ABHD2: variants seen among roughly 807,000 people sequenced by gnomAD.
The protein encoded by ABHD2 is abhydrolase domain containing 2, acylglycerol lipase, also known as monoacylglycerol lipase ABHD2.
In ABHD2, 20 loss-of-function variants were observed where a neutral mutation model predicts 48.1. The ratio of observed to expected loss-of-function variants is 0.42; its 90% CI spans 0.29 to 0.60. ABHD2 has a LOEUF of 0.60. Among genes scored for constraint, ABHD2 ranks in the 20% least tolerant of loss-of-function variants. The probability of loss-of-function intolerance (pLI) is 0.24; values close to 1 mark genes in which losing one functional copy is unlikely to be tolerated. For missense variants in ABHD2, 405 were observed against 550.9 expected (o/e 0.74, Z 2.65); for synonymous variants, 209 against 214.2 (o/e 0.98, Z 0.21).
At chr15:89,071,935 C>T in the ABHD2 span, among the ~76,000 whole-genome samples, 2 of 152,180 alleles carry the variant, frequency 1.3e-5, no homozygotes, top group Non-Finnish European at 2.9e-5. Context: ...TGTAGGGTGA[C>T]CAACCTCAGT....
chr15:89,047,366 A>G, the ABHD2 span, among the ~76,000 whole-genome samples: 2 of 151,768 alleles, frequency 1.3e-5, no homozygotes, highest in Non-Finnish European at 2.9e-5. Flanking sequence ...AAAAAAATGT[A>G]TATTCTGTTG....
rs1013614863 is a variant in ABHD2 at position 89,097,596 on chromosome 15, G to C, written c.-107+9033G>C. Among the ~76,000 whole-genome samples, 1 of 152,116 alleles carries C rather than the reference G, an allele frequency of 6.6e-6. No homozygotes were observed. The highest frequency in any genetic ancestry group is 2.4e-5 in the African/African-American group (1 of 41,428). Reference sequence around the variant, plus strand: ...CTTCTTTTCCCTGTAATTTGTTGGAGAAACTGGGTAGTCTGTCCAGTAGAG... The same window carrying C: ...CTTCTTTTCCCTGTAATTTGTTGGACAAACTGGGTAGTCTGTCCAGTAGAG... On this transcript the variant is annotated intron_variant, in intron 1 of 10. Coordinates refer to ENST00000352732, the MANE Select transcript of ABHD2 (RefSeq NM_152924.5). This position sits in a 1 kb window ranked among gnomAD's most constrained non-coding sequence, Gnocchi z 4.2.
intron 1 of ABHD2, among the ~76,000 whole-genome samples, chr15:89,096,463 G>T (rs2150777423): frequency 6.6e-6 from 1 of 152,298 alleles, no homozygotes; most frequent in Non-Finnish European, 1.5e-5. Flanking sequence ...CATCTGGCAG[G>T]ACTAGTTTTT....
the ABHD2 span, chr15:89,075,315 T>A: frequency 1.3e-5 from 2 of 152,204 alleles, no homozygotes; most frequent in Admixed American, 1.3e-4. The surrounding 1 kb of genome is among the most constrained non-coding windows in gnomAD (Gnocchi z 4.1). Flanking sequence ...ATTGAATGGA[T>A]GAATGAACTC....
rs1445819367 is a variant in ABHD2 at position 89,127,889 on chromosome 15, G to C, written c.194+11368G>C. Among the ~76,000 whole-genome samples the C allele has an allele frequency of 3.3e-5, 5 of 151,710 alleles. No individual in the cohort carries two copies. The South Asian group carries it at 6.3e-4, about 19-fold the overall frequency. ...CTTCTCTGTCTGTCAGAATCCTCAG[G>C]CCTTCTCAAATCGTAGCTCTTCTAG... is the stretch of plus-strand genomic sequence containing the variant. On this transcript the variant is annotated intron_variant, in intron 3 of 10. Transcript: ENST00000352732.
intron 1 of ABHD2, among the ~76,000 whole-genome samples, chr15:89,108,867 T>C (rs1395393039): frequency 6.6e-6 from 1 of 152,246 alleles, no homozygotes; most frequent in Non-Finnish European, 1.5e-5. Flanking sequence ...AGTACAGCGA[T>C]AGTTTTTTCC....
intron 6 of ABHD2, among the ~76,000 whole-genome samples, chr15:89,180,955 C>T (rs571740847): frequency 2.0e-4 from 30 of 152,166 alleles, no homozygotes; most frequent in Admixed American, 9.8e-4. Context: ...GGGCCGGGTG[C>T]GGTGGCTCAC....
At chr15:89,060,683 T>C in the ABHD2 span, among the ~76,000 whole-genome samples, 2 of 152,118 alleles carry the variant, frequency 1.3e-5, no homozygotes, top group South Asian at 4.1e-4. Flanking sequence ...TGTTTGAAGC[T>C]TTTTCCTCCA....
At chr15:89,111,243 A>G (rs1228900900) in intron 1 of ABHD2, among the ~76,000 whole-genome samples, 2 of 152,222 alleles carry the variant, frequency 1.3e-5, no homozygotes, top group African/African-American at 4.8e-5. Flanking sequence ...GTTTGTAGTC[A>G]TTATGAATTT....
chr15:89,179,996 T>C lies in ABHD2; in HGVS notation c.722+4001T>C, dbSNP rs756458363. Reference sequence around the variant, plus strand: ...GCAAACTTCAGGCTAGAGATGAGTTTATGGCAAAAGCAAATATTATTCATA... The same window carrying C: ...GCAAACTTCAGGCTAGAGATGAGTTCATGGCAAAAGCAAATATTATTCATA... On this transcript the variant is annotated intron_variant, in intron 6 of 10. Transcript: ENST00000352732. This position sits in a 1 kb window ranked among gnomAD's most constrained non-coding sequence, Gnocchi z 4.3. Among the ~76,000 whole-genome samples, 8 of 152,250 alleles carry C rather than the reference T, an allele frequency of 5.3e-5. No homozygotes were observed. Among genetic ancestry groups the C allele is most frequent in the Non-Finnish European group, 7.3e-5 (5 of 68,048 alleles).
At position 89,175,703 on chromosome 15, in the gene ABHD2, TTCTC is replaced by T. The variant is rs145148495; in HGVS notation, c.539-103_539-100del. ...CACACGTATATATACACATATATAT[TTCTC>T]TCTCTTTTAGTATACTGGCACCCAT... On this transcript the variant is annotated intron_variant, in intron 5 of 10. Transcript: ENST00000352732. This position sits in a 1 kb window ranked among gnomAD's most constrained non-coding sequence, Gnocchi z 5.7. 3,349 of 1,154,734 alleles carry T rather than the reference TTCTC, an allele frequency of 2.9e-3. 62 individuals carry two copies. The African/African-American group carries it at 0.043, about 15-fold the overall frequency. The allele number at this position is 1,154,734 out of a possible 1,614,324, so 71.5% of individuals were successfully genotyped here.
chr15:89,154,290 A>G (rs1020466178), intron 4 of ABHD2, among the ~76,000 whole-genome samples: 1 of 152,240 alleles, frequency 6.6e-6, no homozygotes, highest in South Asian at 2.1e-4. Flanking sequence ...ATATTGGAAA[A>G]TTGCTTACTA....
chr15:89,201,824 G>T lies in ABHD2; in HGVS notation c.*6401G>T. The stretch of plus-strand genomic sequence containing the variant: ...CCATTGGAGAGACAGCGCAGAGCAG[G>T]GGGCGGCTTGCTCGCTGGGGGCGGG... On this transcript the variant is annotated 3_prime_UTR_variant, in exon 11 of 11. Coordinates refer to ENST00000352732, the MANE Select transcript of ABHD2 (RefSeq NM_152924.5). 8.2e-7 allele frequency: 1 copy of T among 1,222,196 alleles called. No individual in the cohort carries two copies. The highest frequency in any genetic ancestry group is 1.2e-6 in the Non-Finnish European group (1 of 855,616). The allele number at this position is 1,222,196 out of a possible 1,614,324, so 75.7% of individuals were successfully genotyped here. A position where few individuals can be genotyped will look rare whatever the true frequency, so the allele number is the denominator to read the frequency against.
Position 89,164,700 on chromosome 15 carries a change from G to A in ABHD2, c.538+9166G>A, listed in dbSNP as rs531273485. Among the ~76,000 whole-genome samples the A allele has an allele frequency of 2.0e-5, 3 of 151,704 alleles. No individual in the cohort carries two copies. The highest frequency in any genetic ancestry group is 4.2e-4 in the South Asian group (2 of 4,806). On this transcript the variant is annotated intron_variant, in intron 5 of 10. Transcript: ENST00000352732. The surrounding 1 kb of genome is among the most constrained non-coding windows in gnomAD (Gnocchi z 5.0). ...CCTGGGAGGCAAAGGCAGGAGAATC[G>A]CTTGAGCCCAGGAGTGCAGTGAGCC...
At position 89,127,726 on chromosome 15, in the gene ABHD2, T is replaced by TATATATATATATATATATATATAC. The variant is rs1567080111; in HGVS notation, c.194+11219_194+11220insATATATATACATATATATATATAT. Among the ~76,000 whole-genome samples the TATATATATATATATATATATATAC allele has an allele frequency of 2.3e-4, 32 of 141,896 alleles. 1 individual carries two copies. The highest frequency in any genetic ancestry group is 8.5e-4 in the African/African-American group (31 of 36,290). 93.1% of individuals were successfully genotyped at this position (141,896 alleles called of 152,430 possible). Reference sequence around the variant, plus strand: ...ATATACATATATATATATACACATATATATATATATATATGTATATTTTAA... The same window carrying TATATATATATATATATATATATAC: ...ATATACATATATATATATACACATATATATATATATATATATATATATACATATATATATATATGTATATTTTAA... On this transcript the variant is annotated intron_variant, in intron 3 of 10. Transcript: ENST00000352732.
At chr15:89,143,541 C>T (rs1354692240) in intron 3 of ABHD2, among the ~76,000 whole-genome samples, 2 of 152,074 alleles carry the variant, frequency 1.3e-5, no homozygotes, top group African/African-American at 2.4e-5. Flanking sequence ...GTGGTGCATG[C>T]CTGTAATCCC....
rs1159862262 is a variant in ABHD2, at chr15:89,175,801, T to G, written c.539-11T>G. 6.2e-7 allele frequency: 1 copy of G among 1,613,782 alleles called. No individual in the cohort carries two copies. The highest frequency in any genetic ancestry group is 1.3e-5 in the African/African-American group (1 of 74,906). Reference sequence around the variant, plus strand: ...TGAAATGATTGAGCAATCTCACCCTTTTGCCCACAGGCTGCACGTGGGAAT... The same window carrying G: ...TGAAATGATTGAGCAATCTCACCCTGTTGCCCACAGGCTGCACGTGGGAAT... On this transcript the variant is annotated splice_polypyrimidine_tract_variant and intron_variant, in intron 5 of 10. Coordinates refer to ENST00000352732, the MANE Select transcript of ABHD2 (RefSeq NM_152924.5). This position sits in a 1 kb window ranked among gnomAD's most constrained non-coding sequence, Gnocchi z 5.7.
chr15:89,059,925 G>A, the ABHD2 span, among the ~76,000 whole-genome samples: 1 of 152,144 alleles, frequency 6.6e-6, no homozygotes, highest in East Asian at 1.9e-4. Flanking sequence ...TGAACTTGGG[G>A]GCCCCTCTTG....
At chr15:89,125,245 A>T (rs547992690) in intron 3 of ABHD2, among the ~76,000 whole-genome samples, 1 of 148,788 alleles carries the variant, frequency 6.7e-6, no homozygotes, top group African/African-American at 2.6e-5. Flanking sequence ...ACAGAGGGAG[A>T]CTCCATGTCA....
Sources: gnomAD v4.1 joint callset for allele counts (sites outside exome capture counted in the v4.1 genomes callset) on GRCh38, gnomAD v4.1.1 for gene constraint, Gnocchi (gnomAD v3.1) non-coding constraint, MANE v1.5 for transcripts, NCBI Gene and HGNC (gene_info 2026-07-23, HGNC 2026-07-21) for gene names.